DIXDC1: variants seen among roughly 807,000 people sequenced by gnomAD.
DIXDC1 encodes dixin.
DIXDC1 carries 64 observed loss-of-function variants against 103.1 expected under a neutral mutation model. That is an observed-to-expected ratio of 0.62 (90% CI 0.51 to 0.76). DIXDC1 has a LOEUF of 0.76. DIXDC1 is among the 30% of genes least tolerant of loss of function. The probability of loss-of-function intolerance (pLI) is 0.00; values close to 1 mark genes in which losing one functional copy is unlikely to be tolerated. For missense variants in DIXDC1, 759 were observed against 834.2 expected, an observed-to-expected ratio of 0.91 and a Z score of 1.11; for synonymous variants, 266 against 298.5, an observed-to-expected ratio of 0.89 and a Z score of 1.12.
intron 10 of DIXDC1, 57 bp downstream of exon 10, chr11:111,989,112 G>T: frequency 6.9e-7 from 1 of 1,441,320 alleles, no homozygotes; most frequent in South Asian, 1.3e-5. Flanking sequence ...AAAGTAGTCT[G>T]TTGGTGAGTG....
chr11:111,999,652 G>A (rs1161754912), intron 17 of DIXDC1, among the ~76,000 whole-genome samples: 1 of 152,106 alleles, frequency 6.6e-6, no homozygotes, highest in Non-Finnish European at 1.5e-5. Flanking sequence ...ATCACCTGAG[G>A]TTGGGAGTTT....
At chr11:111,974,415 G>T in intron 4 of DIXDC1, 161 bp downstream of exon 4, 2 of 663,636 alleles carry the variant, frequency 3.0e-6, no homozygotes, top group Non-Finnish European at 2.5e-6. Flanking sequence ...AAAGAGAAAA[G>T]CCTTTTCTTC....
At chr11:112,005,374 T>C (rs1369423336) in intron 17 of DIXDC1, among the ~76,000 whole-genome samples, 2 of 151,276 alleles carry the variant, frequency 1.3e-5, no homozygotes, top group Admixed American at 6.6e-5. Context: ...TAATCCTAAA[T>C]GTGTGTATAC....
chr11:112,017,096 T>C lies in DIXDC1; in HGVS notation c.1862+300T>C, dbSNP rs1232176408. Among the ~76,000 whole-genome samples the C allele has an allele frequency of 6.6e-6, 1 of 151,884 alleles. No individual in the cohort carries two copies. Among genetic ancestry groups the C allele is most frequent in the African/African-American group, 2.4e-5 (1 of 41,338 alleles). ...AAATCTTTTTTTTTTTTTTTAAGTG[T>C]TCAAAATAGCTCCTGCTGATACAAT... On this transcript the variant is annotated intron_variant, in intron 18 of 19. Coordinates refer to ENST00000440460, the MANE Select transcript of DIXDC1 (RefSeq NM_001037954.4). The surrounding 1 kb of genome is among the most constrained non-coding windows in gnomAD (Gnocchi z 4.0).
In DIXDC1 at chr11:111,992,488, A is replaced by T. The variant is rs1442074171; in HGVS notation, c.1187A>T (p.Asn396Ile). 7 of 1,573,936 alleles carry T rather than the reference A, an allele frequency of 4.4e-6. No homozygotes were observed. The highest frequency in any genetic ancestry group is 6.0e-6 in the Non-Finnish European group (7 of 1,158,938). The stretch of plus-strand genomic sequence containing the variant: ...CTCAAACAAGAGCTACTGAGGGCAA[A>T]TATGGACAAAGATGAGCTGCACAAC... ...LQLKQELLRA[N>I]MDKDELHNQN... The change falls in exon 11 of 20, where the codon AAT becomes ATT. Residue 396 changes from asparagine (N) to isoleucine (I), a missense_variant. Asn to Ile is a moderately radical substitution (Grantham distance 149). Transcript: ENST00000440460.
At chr11:112,000,812 A>G (rs187852636) in intron 17 of DIXDC1, among the ~76,000 whole-genome samples, 15 of 152,326 alleles carry the variant, frequency 9.8e-5, no homozygotes. Context: ...AATGGTGTCA[A>G]AAATGGAGAA....
upstream of DIXDC1, among the ~76,000 whole-genome samples, chr11:111,933,289 C>T (rs950913502): frequency 3.9e-5 from 6 of 152,056 alleles, no homozygotes; most frequent in African/African-American, 1.4e-4. Context: ...CCACCATGCT[C>T]GGCTAATTCT....
intron 14 of DIXDC1, among the ~76,000 whole-genome samples, chr11:111,994,628 A>G (rs1340390100): frequency 6.6e-6 from 1 of 151,554 alleles, no homozygotes; most frequent in African/African-American, 2.4e-5. Context: ...GTGTATATAT[A>G]TGTATGAATA....
chr11:111,989,843 C>T (rs1173921792), intron 10 of DIXDC1, among the ~76,000 whole-genome samples: 2 of 150,086 alleles, frequency 1.3e-5, no homozygotes, highest in African/African-American at 4.9e-5. Flanking sequence ...GGCTGGAGTG[C>T]AGTGGCGCAA....
intron 1 of DIXDC1, among the ~76,000 whole-genome samples, chr11:111,947,713 C>T (rs1966645764): frequency 6.6e-6 from 1 of 152,144 alleles, no homozygotes; most frequent in Non-Finnish European, 1.5e-5. Flanking sequence ...TAAGACTAGC[C>T]CTATTCACTT....
chr11:111,987,571 T>C (rs1860535960), intron 9 of DIXDC1, among the ~76,000 whole-genome samples: 1 of 152,114 alleles, frequency 6.6e-6, no homozygotes, highest in South Asian at 2.1e-4. Flanking sequence ...ATTCCTAGCT[T>C]TTCTTTTGGT....
chr11:112,007,956 C>T (rs1341727991), intron 17 of DIXDC1, among the ~76,000 whole-genome samples: 1 of 151,988 alleles, frequency 6.6e-6, no homozygotes, highest in Non-Finnish European at 1.5e-5. Context: ...TCACACATAA[C>T]AATATTAACC....
At chr11:111,932,360 G>A (rs1555167749), upstream of DIXDC1, among the ~76,000 whole-genome samples, 4 of 151,532 alleles carry the variant, frequency 2.6e-5, no homozygotes, top group African/African-American at 9.7e-5. Flanking sequence ...CTTTTGAAAT[G>A]TGAATTTTAA....
intron 12 of DIXDC1, among the ~76,000 whole-genome samples, 159 bp downstream of exon 12, chr11:111,993,163 C>T (rs1265500697): frequency 6.6e-6 from 1 of 152,080 alleles, no homozygotes; most frequent in African/African-American, 2.4e-5. Flanking sequence ...TCCCCTGATG[C>T]ACTAGCTCTG....
intron 2 of DIXDC1, among the ~76,000 whole-genome samples, chr11:111,931,951 G>A (rs1295599924): frequency 2.6e-5 from 4 of 151,554 alleles, no homozygotes; most frequent in Non-Finnish European, 5.9e-5. Context: ...AGAAACTCAA[G>A]TGTCACTTCC....
intron 1 of DIXDC1, among the ~76,000 whole-genome samples, chr11:111,947,101 G>A (rs1168683357): frequency 6.6e-6 from 1 of 151,940 alleles, no homozygotes; most frequent in African/African-American, 2.4e-5. Flanking sequence ...GCTGTGTGAA[G>A]CCCTTAAATT....
Position 112,017,687 on chromosome 11 carries a change from C to A in DIXDC1, c.1863-90C>A. 9.2e-7 allele frequency: 1 copy of A among 1,091,904 alleles called. No individual in the cohort carries two copies. The highest frequency in any genetic ancestry group is 1.3e-6 in the Non-Finnish European group (1 of 749,936). The allele number at this position is 1,091,904 out of a possible 1,614,324, so 67.6% of individuals were successfully genotyped here. On this transcript the variant is annotated intron_variant, in intron 18 of 19. Transcript: ENST00000440460. This position sits in a 1 kb window ranked among gnomAD's most constrained non-coding sequence, Gnocchi z 4.0. ...ACAAGGGGCTATTTCTGCTTATTGA[C>A]TTTGGCAGGGGGCTGTGTTTAAAGT...
intron 17 of DIXDC1, among the ~76,000 whole-genome samples, chr11:112,003,144 TAGA>T (rs1861120281): frequency 1.3e-5 from 2 of 152,088 alleles, no homozygotes. Context: ...TACAGTTAGA[TAGA>T]AGGAGTAAGA....
chr11:111,993,064 T>C (rs969091911), intron 12 of DIXDC1, 60 bp downstream of exon 12: 3 of 1,522,156 alleles, frequency 2.0e-6, no homozygotes, highest in Non-Finnish European at 1.8e-6. Context: ...CAGCCCGTTA[T>C]TGTTGCTCAA....
Sources: gnomAD v4.1 joint callset for allele counts (sites outside exome capture counted in the v4.1 genomes callset) on GRCh38, gnomAD v4.1.1 for gene constraint, Gnocchi (gnomAD v3.1) non-coding constraint, MANE v1.5 for transcripts, NCBI Gene and HGNC (gene_info 2026-07-23, HGNC 2026-07-21) for gene names.